VWA3B: variants seen among roughly 807,000 people sequenced by gnomAD.
The protein encoded by VWA3B is von Willebrand factor A domain containing 3B, also known as von Willebrand factor A domain-containing protein 3B.
VWA3B carries 138 observed loss-of-function variants against 158.3 expected under a neutral mutation model. The ratio of observed to expected loss-of-function variants is 0.87; its 90% CI spans 0.76 to 1.00. VWA3B has a LOEUF of 1.00. Among genes scored for constraint, VWA3B ranks in the 50% least tolerant of loss-of-function variants. The pLI, the probability that VWA3B is intolerant of heterozygous loss-of-function variation, is 0.00. For synonymous variants in VWA3B, 596 were observed against 587.3 expected, an observed-to-expected ratio of 1.01 and a Z score of -0.21; for missense variants, 1,555 against 1,565.1, an observed-to-expected ratio of 0.99 and a Z score of 0.11.
chr2:98,138,492 C>G (rs1282325227), intron 7 of VWA3B, among the ~76,000 whole-genome samples: 5 of 152,198 alleles, frequency 3.3e-5, no homozygotes, highest in Non-Finnish European at 7.3e-5. Flanking sequence ...GGAAAACTTG[C>G]AGAATTCCTG....
At chr2:98,223,015 C>T (rs1461834585) in intron 14 of VWA3B, among the ~76,000 whole-genome samples, 2 of 152,106 alleles carry the variant, frequency 1.3e-5, no homozygotes, top group Non-Finnish European at 2.9e-5. Context: ...TGAGATGAAT[C>T]ATATGTTGGA....
intron 21 of VWA3B, among the ~76,000 whole-genome samples, chr2:98,263,199 A>G (rs1342837103): frequency 6.6e-6 from 1 of 151,952 alleles, no homozygotes; most frequent in Middle Eastern, 3.2e-3. Flanking sequence ...ATGGAAAATC[A>G]TGTCCTCTAC....
intron 8 of VWA3B, among the ~76,000 whole-genome samples, chr2:98,171,131 G>A (rs773366717): frequency 2.0e-5 from 3 of 152,262 alleles, no homozygotes; most frequent in South Asian, 2.1e-4. Context: ...TAATCCACTC[G>A]TCTATTCTTT....
rs916155947 is a variant in VWA3B, at chr2:98,194,400, T to C, written c.1645T>C (p.Phe549Leu). The C allele has an allele frequency of 1.1e-5, 17 of 1,614,106 alleles. No homozygotes were observed. Among genetic ancestry groups the C allele is most frequent in the Non-Finnish European group, 1.4e-5 (17 of 1,179,974 alleles). The change falls in exon 12 of 28, where the codon TTT (phenylalanine) becomes CTT (leucine). Residue 549 changes from phenylalanine (F) to leucine (L), a missense_variant. Coordinates refer to ENST00000477737, the MANE Select transcript of VWA3B (RefSeq NM_144992.5). ...TAAAAGTAAGTTTAACTTTGTGAAG[T>C]TTGATGGTCAAGCAGTTGCTTGGCG... ...KYKSKFNFVK[F>L]DGQAVAWREQ... is the part of the protein sequence containing the mutation.
At chr2:98,122,948 GCC>G (rs1675079673) in intron 5 of VWA3B, among the ~76,000 whole-genome samples, 2 of 152,362 alleles carry the variant, frequency 1.3e-5, no homozygotes, top group South Asian at 4.1e-4. Context: ...GCACATGCAA[GCC>G]CTGCACAGAC....
chr2:98,316,950 T>C (rs1691101700), downstream of VWA3B, among the ~76,000 whole-genome samples: 1 of 152,190 alleles, frequency 6.6e-6, no homozygotes, highest in South Asian at 2.1e-4. Flanking sequence ...TGCGGAACCA[T>C]GAGCCAATTA....
chr2:98,169,221 A>T (rs1679369161), intron 8 of VWA3B, among the ~76,000 whole-genome samples: 1 of 152,248 alleles, frequency 6.6e-6, no homozygotes, highest in Non-Finnish European at 1.5e-5. Context: ...CTGGAATTCT[A>T]TACAAAGCAA....
chr2:98,159,260 G>T (rs1005213393), intron 7 of VWA3B, among the ~76,000 whole-genome samples: 12 of 152,014 alleles, frequency 7.9e-5, no homozygotes, highest in Admixed American at 6.6e-4. Context: ...TTTTGGTTTG[G>T]TTTTTTTGTT....
intron 9 of VWA3B, among the ~76,000 whole-genome samples, chr2:98,185,236 C>A (rs1172507719): frequency 6.6e-6 from 1 of 152,054 alleles, no homozygotes; most frequent in Non-Finnish European, 1.5e-5. Flanking sequence ...CCATCTGTCT[C>A]CTCCACCAGG....
chr2:98,162,943 C>T lies in VWA3B; in HGVS notation c.1081C>T (p.Pro361Ser), dbSNP rs1678747062. Residue 361 changes from proline to serine, a missense_variant, in exon 8 of 28, where the codon CCT becomes TCT. By Grantham distance (74) the Pro-to-Ser change is moderately conservative. Transcript: ENST00000477737. ...LAQIQRLVAE[P>S]PKPDVATVDC... is the part of the protein sequence containing the mutation. ...CCAGATCCAGAGGCTGGTGGCCGAG[C>T]CTCCCAAGCCCGACGTGGCCACTGT... 1.2e-6 allele frequency: 2 copies of T among 1,613,948 alleles called. No homozygotes were observed. The highest frequency in any genetic ancestry group is 1.7e-6 in the Non-Finnish European group (2 of 1,180,040).
intron 21 of VWA3B, 89 bp downstream of exon 21, chr2:98,256,263 G>T: frequency 1.4e-6 from 2 of 1,401,290 alleles, no homozygotes; most frequent in Non-Finnish European, 1.9e-6. Flanking sequence ...CAATGCAGAG[G>T]TATTTAAAAT....
intron 1 of VWA3B, among the ~76,000 whole-genome samples, chr2:98,089,350 A>C (rs529103914): frequency 3.7e-4 from 56 of 152,254 alleles, no homozygotes; most frequent in African/African-American, 1.3e-3. Context: ...TATCATAGCA[A>C]AAGTTAGGGT....
intron 16 of VWA3B, among the ~76,000 whole-genome samples, chr2:98,232,921 C>T (rs1685433770): frequency 6.6e-6 from 1 of 152,046 alleles, no homozygotes; most frequent in Non-Finnish European, 1.5e-5. Context: ...CTGAGGTGTC[C>T]CCACATTGCT....
chr2:98,295,045 A>C (rs971540375), intron 23 of VWA3B, among the ~76,000 whole-genome samples: 1 of 151,940 alleles, frequency 6.6e-6, no homozygotes, highest in Non-Finnish European at 1.5e-5. Context: ...CCTGGGGAGG[A>C]GGGAGCTGCT....
In VWA3B at chr2:98,256,147, G is replaced by A. The variant is rs201509981; in HGVS notation, c.2816G>A (p.Arg939Gln). ...YEKRLNKIVWRALSQEEKEKL... is the reference protein window; with the variant it reads ...YEKRLNKIVWQALSQEEKEKL... The stretch of plus-strand genomic sequence containing the variant: ...AGGCGCTTGAATAAAATTGTTTGGC[G>A]AGCATTATCTCAAGAGGAAAAAGAA... Residue 939 changes from arginine (R) to glutamine (Q), a missense_variant, in exon 21 of 28, where the codon CGA becomes CAA. By Grantham distance (43) the Arg-to-Gln change is conservative. Coordinates refer to ENST00000477737, the MANE Select transcript of VWA3B (RefSeq NM_144992.5). The A allele has an allele frequency of 6.9e-4, 1,113 of 1,612,774 alleles. 13 individuals carry two copies. In the South Asian group the frequency reaches 7.6e-3, roughly 11 times the overall value.
At chr2:98,183,323 G>A (rs1308517032) in intron 9 of VWA3B, among the ~76,000 whole-genome samples, 1 of 151,770 alleles carries the variant, frequency 6.6e-6, no homozygotes, top group Non-Finnish European at 1.5e-5. Context: ...AACTAAGGCT[G>A]TGAAATAGGT....
At chr2:98,226,415 C>G (rs1248234854) in intron 14 of VWA3B, among the ~76,000 whole-genome samples, 5 of 152,176 alleles carry the variant, frequency 3.3e-5, no homozygotes, top group African/African-American at 1.2e-4. Context: ...TCATGGACAT[C>G]TTAACTCAAA....
chr2:98,248,821 CTTTT>C (rs1043046651), intron 19 of VWA3B, among the ~76,000 whole-genome samples: 7 of 145,898 alleles, frequency 4.8e-5, no homozygotes, highest in Non-Finnish European at 7.6e-5. Context: ...CTTTCTCTTT[CTTTT>C]TCTTTCTTTC....
chr2:98,300,170 T>C lies in VWA3B; in HGVS notation c.3374T>C (p.Val1125Ala). 6.2e-7 allele frequency: 1 copy of C among 1,614,234 alleles called. No homozygotes were observed. The highest frequency in any genetic ancestry group is 8.5e-7 in the Non-Finnish European group (1 of 1,180,038). Residue 1125 changes from valine to alanine, a missense_variant, in exon 25 of 28, where the codon GTG becomes GCG. Physicochemically the swap from Val to Ala is moderately conservative, Grantham distance 64. Coordinates refer to ENST00000477737, the MANE Select transcript of VWA3B (RefSeq NM_144992.5). ...GTCATAGCACTTCCCAATAAGCATG[T>C]GGCCACAGAAAAATTCTACACAGTT... Reference protein sequence around the residue: ...AIVIALPNKHVATEKFYTVLK... With the variant: ...AIVIALPNKHAATEKFYTVLK...
Sources: allele counts gnomAD v4.1 joint callset (sites outside exome capture counted in the v4.1 genomes callset), GRCh38; gene constraint gnomAD v4.1.1; transcripts MANE v1.5; gene names NCBI Gene and HGNC (gene_info 2026-07-23, HGNC 2026-07-21).